Variants in KHDRBS2 observed in about 807,000 individuals in gnomAD.
KHDRBS2 encodes KH domain-containing, RNA-binding, signal transduction-associated protein 2.
Under a neutral mutation model 44.3 loss-of-function variants are expected in KHDRBS2, and 26 were observed. That is an observed-to-expected ratio of 0.59 (90% confidence interval 0.43 to 0.81). The LOEUF is 0.81. Ranked by LOEUF, KHDRBS2 falls within the 40% of genes least tolerant of loss-of-function variation. The pLI, the probability that KHDRBS2 is intolerant of heterozygous loss-of-function variation, is 0.00. For missense variants in KHDRBS2, 476 were observed against 433.1 expected, an observed-to-expected ratio of 1.10 and a Z score of -0.88; for synonymous variants, 194 against 151.1, an observed-to-expected ratio of 1.28 and a Z score of -2.08.
At chr6:62,092,033 C>T (rs184997777) in intron 2 of KHDRBS2, among the ~76,000 whole-genome samples, 2 of 152,112 alleles carry the variant, frequency 1.3e-5, no homozygotes, top group Admixed American at 1.3e-4. Flanking sequence ...TATAAAATTA[C>T]CCTTACTTGG....
At chr6:61,873,850 A>G (rs1799015049) in intron 6 of KHDRBS2, among the ~76,000 whole-genome samples, 2 of 152,178 alleles carry the variant, frequency 1.3e-5, no homozygotes, top group African/African-American at 2.4e-5. Flanking sequence ...CATATATGCA[A>G]TAAGAGAAAA....
At chr6:61,817,690 G>A (rs1196850982) in intron 6 of KHDRBS2, among the ~76,000 whole-genome samples, 2 of 152,008 alleles carry the variant, frequency 1.3e-5, no homozygotes, top group African/African-American at 4.8e-5. Flanking sequence ...CCAACTTAAA[G>A]CTGTGGTTTT....
At chr6:61,572,522 A>T in the KHDRBS2 span, among the ~76,000 whole-genome samples, 1 of 152,018 alleles carries the variant, frequency 6.6e-6, no homozygotes, top group Non-Finnish European at 1.5e-5. Context: ...AACAAACAAA[A>T]AAAACTACAT....
At chr6:61,985,451 G>T (rs1297056501) in intron 3 of KHDRBS2, among the ~76,000 whole-genome samples, 2 of 152,052 alleles carry the variant, frequency 1.3e-5, no homozygotes, top group Non-Finnish European at 2.9e-5. Flanking sequence ...ACTAACTGTG[G>T]GAAACTGCAG....
At chr6:61,998,862 G>A (rs1442024873) in intron 3 of KHDRBS2, among the ~76,000 whole-genome samples, 1 of 151,912 alleles carries the variant, frequency 6.6e-6, no homozygotes, top group East Asian at 1.9e-4. Context: ...AATACTGCCT[G>A]TTCATCTAAG....
chr6:61,926,501 C>A (rs965941324), intron 4 of KHDRBS2, among the ~76,000 whole-genome samples: 1 of 151,952 alleles, frequency 6.6e-6, no homozygotes, highest in Admixed American at 6.6e-5. Context: ...AAAACAAAAA[C>A]GGACCAATTC....
At chr6:61,689,882 T>C (rs918512284) in intron 8 of KHDRBS2, among the ~76,000 whole-genome samples, 3 of 151,968 alleles carry the variant, frequency 2.0e-5, no homozygotes, top group African/African-American at 7.2e-5. Flanking sequence ...CAGATATACA[T>C]AGATACATAT....
intron 4 of KHDRBS2, among the ~76,000 whole-genome samples, chr6:61,959,257 T>C (rs1010397746): frequency 6.6e-6 from 1 of 152,198 alleles, no homozygotes; most frequent in Non-Finnish European, 1.5e-5. Flanking sequence ...AGTTACCACA[T>C]CACTTGCCCC....
chr6:61,744,885 C>T (rs993097112), intron 6 of KHDRBS2, among the ~76,000 whole-genome samples: 2 of 152,074 alleles, frequency 1.3e-5, no homozygotes, highest in Admixed American at 6.6e-5. Flanking sequence ...AGTAAGACTA[C>T]CCAGTTCCTA....
intron 6 of KHDRBS2, among the ~76,000 whole-genome samples, chr6:61,738,455 T>G (rs1008342795): frequency 6.6e-6 from 1 of 152,004 alleles, no homozygotes; most frequent in African/African-American, 2.4e-5. Flanking sequence ...AGACAAGTCC[T>G]TATAGGATCC....
chr6:61,882,299 T>C (rs1295228341), intron 6 of KHDRBS2, among the ~76,000 whole-genome samples: 1 of 152,026 alleles, frequency 6.6e-6, no homozygotes, highest in East Asian at 1.9e-4. Context: ...TCTCCAACTC[T>C]GTTAGTATCC....
Position 61,978,204 on chromosome 6 carries a change from T to C in KHDRBS2, c.345A>G (p.Glu115=), listed in dbSNP as rs771401840. The stretch of plus-strand genomic sequence containing the variant: ...ATTTGGCTTCCCCACTCTTCCTTAG[T>C]TCTTCTTCCTGTGAAAAAGGTTATT... ...GSMRDKAKEE[E]LRKSGEAKYA... Residue 115 remains glutamate, a synonymous_variant, in exon 4 of 9, where the codon GAA becomes GAG. Coordinates refer to ENST00000281156, the MANE Select transcript of KHDRBS2 (RefSeq NM_152688.4). The C allele has an allele frequency of 6.2e-7, 1 of 1,600,946 alleles. No homozygotes were observed. The highest frequency in any genetic ancestry group is 8.5e-7 in the Non-Finnish European group (1 of 1,175,286).
chr6:61,980,911 A>G (rs1212636537), intron 3 of KHDRBS2, among the ~76,000 whole-genome samples: 1 of 152,232 alleles, frequency 6.6e-6, no homozygotes, highest in East Asian at 1.9e-4. Flanking sequence ...TTTGACATAA[A>G]GAGCTGAATT....
At chr6:62,067,382 A>C (rs1210755469) in intron 2 of KHDRBS2, among the ~76,000 whole-genome samples, 1 of 151,522 alleles carries the variant, frequency 6.6e-6, no homozygotes, top group Non-Finnish European at 1.5e-5. Context: ...ATGCTTGTAC[A>C]TGATTCTAGT....
At chr6:61,605,135 A>T in the KHDRBS2 span, among the ~76,000 whole-genome samples, 89,877 of 152,032 alleles carry the variant, frequency 0.59, 26,784 homozygotes, top group Non-Finnish European at 0.61. Flanking sequence ...TGTCCTCGGG[A>T]TGCTACAAGG....
At chr6:61,558,195 T>C in the KHDRBS2 span, among the ~76,000 whole-genome samples, 1 of 152,192 alleles carries the variant, frequency 6.6e-6, no homozygotes, top group African/African-American at 2.4e-5. Flanking sequence ...CTTGCTTTTC[T>C]AGGTGTTTAA....
Position 61,684,947 on chromosome 6 carries a change from A to AT in KHDRBS2, c.953-3888dup, listed in dbSNP as rs1766661871. Among the ~76,000 whole-genome samples the AT allele has an allele frequency of 2.0e-5, 3 of 151,544 alleles. No homozygotes were observed. The South Asian group carries it at 6.2e-4, about 31-fold the overall frequency. Reference sequence around the variant, plus strand: ...TGAATAATAAAGCATCACTAAACACATTTTTTATTTATTGAAGATCTCCTA... The same window carrying AT: ...TGAATAATAAAGCATCACTAAACACATTTTTTTATTTATTGAAGATCTCCTA... On this transcript the variant is annotated intron_variant, in intron 8 of 8. Transcript: ENST00000281156.
chr6:62,097,591 G>A (rs536234684), intron 2 of KHDRBS2, among the ~76,000 whole-genome samples: 18 of 151,918 alleles, frequency 1.2e-4, no homozygotes, highest in African/African-American at 4.3e-4. Flanking sequence ...CTTCTTCTAT[G>A]ATTTCACTTT....
chr6:62,246,102 T>TTATA (rs150717074), intron 1 of KHDRBS2, among the ~76,000 whole-genome samples: 9,192 of 123,736 alleles, frequency 0.074, 329 homozygotes, highest in Non-Finnish European at 0.083. Context: ...TCAATCAATT[T>TTATA]TATATATATA....
Sources: gnomAD v4.1 joint callset for allele counts (sites outside exome capture counted in the v4.1 genomes callset) on GRCh38, gnomAD v4.1.1 for gene constraint, MANE v1.5 for transcripts, NCBI Gene and HGNC (gene_info 2026-07-23, HGNC 2026-07-21) for gene names.